The following PCDHGA2 variants were observed in gnomAD, a reference collection of about 807,000 sequenced individuals.
PCDHGA2 encodes protocadherin gamma-A2.
In PCDHGA2, 40 loss-of-function variants were observed where a neutral mutation model predicts 59.2. The ratio of observed to expected loss-of-function variants is 0.68; its 90% CI spans 0.52 to 0.88. PCDHGA2 has a LOEUF of 0.88. Ranked by LOEUF, PCDHGA2 falls within the 40% of genes least tolerant of loss-of-function variation. The pLI is 0.00. For synonymous variants in PCDHGA2, 560 were observed against 526.0 expected (o/e 1.06, Z -0.89); for missense variants, 1,226 against 1,204.0 (o/e 1.02, Z -0.27).
At position 141,409,019 on chromosome 5, in the gene PCDHGA2, G is replaced by T; in HGVS notation, c.2424+67624G>T. 2.5e-6 allele frequency: 4 copies of T among 1,613,996 alleles called. No homozygotes were observed. The South Asian group carries it at 3.3e-5, about 13-fold the overall frequency. On this transcript the variant is annotated intron_variant, in intron 1 of 3. Coordinates refer to ENST00000394576, the MANE Select transcript of PCDHGA2 (RefSeq NM_018915.4). The stretch of plus-strand genomic sequence containing the variant: ...GACAGCCACTGACCAGGATGAGGGG[G>T]TCAATGCTGAGATAAACTACTACTT...
intron 1 of PCDHGA2, among the ~76,000 whole-genome samples, chr5:141,469,345 G>A (rs2099197832): frequency 6.6e-6 from 1 of 152,128 alleles, no homozygotes; most frequent in Non-Finnish European, 1.5e-5. Context: ...GGGAGGCTGA[G>A]GTGGATGGAT....
Position 141,432,830 on chromosome 5 carries a change from C to G in PCDHGA2, c.2425-61977C>G, listed in dbSNP as rs780093171. On this transcript the variant is annotated intron_variant, in intron 1 of 3. Coordinates refer to ENST00000394576, the MANE Select transcript of PCDHGA2 (RefSeq NM_018915.4). The surrounding 1 kb of genome is among the most constrained non-coding windows in gnomAD (Gnocchi z 6.0). ...TAACTCTGAAACCTCAGACCTCACT[C>G]TGTACCTGGTGGTAGCGGTGGCCGC... 4 of 1,614,208 alleles carry G rather than the reference C, an allele frequency of 2.5e-6. No individual in the cohort carries two copies. The highest frequency in any genetic ancestry group is 2.2e-5 in the East Asian group (1 of 44,874).
At position 141,339,169 on chromosome 5, in the gene PCDHGA2, C is replaced by T. The variant is rs1171569269; in HGVS notation, c.198C>T (p.Ile66=). ...CACTGGCAGAGCAGGGAGTCCGCAT[C>T]GTCTCCAGAGGTAGGTCCCAGCTCT... ...PLALAEQGVR[I]VSRGRSQLFA... Residue 66 remains isoleucine, a synonymous_variant, in exon 1 of 4, where the codon ATC becomes ATT. Transcript: ENST00000394576. The T allele has an allele frequency of 6.2e-7, 1 of 1,614,102 alleles. No individual in the cohort carries two copies. Among genetic ancestry groups the T allele is most frequent in the East Asian group, 2.2e-5 (1 of 44,866 alleles).
intron 1 of PCDHGA2, chr5:141,361,481 C>T (rs1561523775): frequency 6.2e-7 from 1 of 1,614,042 alleles, no homozygotes; most frequent in Non-Finnish European, 8.5e-7. Context: ...AACGATAATG[C>T]CCCAGTTTTC....
At chr5:141,352,805 G>T in intron 1 of PCDHGA2, 1 of 888,810 alleles carries the variant, frequency 1.1e-6, no homozygotes, top group South Asian at 1.8e-5. Context: ...GCATAGCCAA[G>T]ATGGTAAAAC....
At chr5:141,409,681 G>A in intron 1 of PCDHGA2, 1 of 1,613,368 alleles carries the variant, frequency 6.2e-7, no homozygotes, top group South Asian at 1.1e-5. Flanking sequence ...CTATAGTGGC[G>A]AGTGACCTAG....
chr5:141,382,699 G>C lies in PCDHGA2; in HGVS notation c.2424+41304G>C, dbSNP rs6876944. The stretch of plus-strand genomic sequence containing the variant: ...CCAACCAGGGAAAAATGGTGCGAGA[G>C]ATCCCACAGAAACCACCGAGTTTTA... On this transcript the variant is annotated intron_variant, in intron 1 of 3. Transcript: ENST00000394576. 3,018 of 458,814 alleles carry C rather than the reference G, an allele frequency of 6.6e-3. 90 individuals carry two copies. Among genetic ancestry groups the C allele is most frequent in the African/African-American group, 0.053 (2,693 of 50,344 alleles). 28.4% of individuals were successfully genotyped at this position (458,814 alleles called of 1,614,324 possible).
At chr5:141,467,704 C>T (rs2099149502) in intron 1 of PCDHGA2, among the ~76,000 whole-genome samples, 2 of 152,174 alleles carry the variant, frequency 1.3e-5, no homozygotes. Flanking sequence ...CTCTGTTGCC[C>T]AGGCTGGAGT....
Position 141,406,431 on chromosome 5 carries a change from T to A in PCDHGA2, c.2424+65036T>A, listed in dbSNP as rs1316370664. 2.0e-5 allele frequency among the ~76,000 whole-genome samples: 3 copies of A among 152,352 alleles called. No individual in the cohort carries two copies. In the South Asian group the frequency reaches 6.2e-4, roughly 32 times the overall value. ...CAGCTGAAAGCCCAGATTTATTGCT[T>A]CTATTCTTCCATTTCTATGACAGGA... On this transcript the variant is annotated intron_variant, in intron 1 of 3. Coordinates refer to ENST00000394576, the MANE Select transcript of PCDHGA2 (RefSeq NM_018915.4).
At chr5:141,341,419 C>A (rs369518437) in intron 1 of PCDHGA2, 24 bp downstream of exon 1, 3 of 1,613,014 alleles carry the variant, frequency 1.9e-6, no homozygotes, top group South Asian at 1.1e-5. Flanking sequence ...TCACAACATA[C>A]GTACTAGCTA....
Position 141,339,221 on chromosome 5 carries a change from T to C in PCDHGA2, c.250T>C (p.Leu84=). ...LFALNPRSGS[L]VTANRIDREE... ...TGCTCTGAACCCGCGAAGCGGCAGC[T>C]TGGTCACTGCGAACAGGATAGACCG... The change falls in exon 1 of 4, where the codon TTG becomes CTG. Residue 84 remains leucine, a synonymous_variant. Transcript: ENST00000394576. 1 of 1,614,190 alleles carries C rather than the reference T, an allele frequency of 6.2e-7. No individual in the cohort carries two copies. Among genetic ancestry groups the C allele is most frequent in the Non-Finnish European group, 8.5e-7 (1 of 1,179,996 alleles).
chr5:141,364,320 G>C (rs777179865), intron 1 of PCDHGA2: 7 of 1,526,276 alleles, frequency 4.6e-6, no homozygotes, highest in Non-Finnish European at 6.1e-6. Flanking sequence ...AAATTGGGCA[G>C]AGAGAAGGCA....
intron 1 of PCDHGA2, chr5:141,428,630 C>T: frequency 5.4e-6 from 1 of 185,692 alleles, no homozygotes; most frequent in Non-Finnish European, 1.1e-5. Context: ...AGCTCTAACT[C>T]TGTTGCTCCT....
rs547284271 is a variant in PCDHGA2 at position 141,489,064 on chromosome 5, C to G, written c.2425-5743C>G. On this transcript the variant is annotated intron_variant, in intron 1 of 3. Coordinates refer to ENST00000394576, the MANE Select transcript of PCDHGA2 (RefSeq NM_018915.4). This position sits in a 1 kb window ranked among gnomAD's most constrained non-coding sequence, Gnocchi z 4.5. ...TCCACTCAAATTCAGCTCCCCTCCC[C>G]CCTGCCCACCCCCGCCACTCGGTGA... 1.9e-4 allele frequency: 74 copies of G among 387,742 alleles called. No homozygotes were observed. The highest frequency in any genetic ancestry group is 1.5e-3 in the African/African-American group (70 of 47,296). The allele number at this position is 387,742 out of a possible 1,614,324, so 24.0% of individuals were successfully genotyped here. A position where few individuals can be genotyped will look rare whatever the true frequency, so the allele number is the denominator to read the frequency against.
chr5:141,393,910 T>C, intron 1 of PCDHGA2: 1 of 1,613,998 alleles, frequency 6.2e-7, no homozygotes, highest in Admixed American at 1.7e-5. Flanking sequence ...GGGACAGTAA[T>C]TGCCTTCTTG....
In PCDHGA2 at chr5:141,415,740, GTTTTTTTTTT is replaced by G. The variant is rs57426385; in HGVS notation, c.2424+74368_2424+74377del. The G allele has an allele frequency of 4.3e-3, 2,655 of 623,934 alleles. 2 individuals carry two copies. The highest frequency in any genetic ancestry group is 4.3e-3 in the Non-Finnish European group (2,016 of 468,394). The allele number at this position is 623,934 out of a possible 1,614,324, so 38.6% of individuals were successfully genotyped here. ...TGAGTAGAATTTGATGTTTATTAAG[GTTTTTTTTTT>G]TTTTTTTTTTTTTTTTTTTTTTACT... On this transcript the variant is annotated intron_variant, in intron 1 of 3. Coordinates refer to ENST00000394576, the MANE Select transcript of PCDHGA2 (RefSeq NM_018915.4).
chr5:141,435,260 T>C (rs1591368331), intron 1 of PCDHGA2, among the ~76,000 whole-genome samples: 1 of 152,236 alleles, frequency 6.6e-6, no homozygotes, highest in African/African-American at 2.4e-5. Context: ...TAGGGATATG[T>C]CCATTTATAC....
At chr5:141,384,580 G>C in intron 1 of PCDHGA2, 1 of 1,614,196 alleles carries the variant, frequency 6.2e-7, no homozygotes, top group Non-Finnish European at 8.5e-7. Flanking sequence ...CAACCCGCCC[G>C]AGATCCTGTA....
intron 1 of PCDHGA2, chr5:141,428,086 G>C: frequency 1.9e-6 from 3 of 1,609,122 alleles, no homozygotes; most frequent in Non-Finnish European, 1.7e-6. Context: ...CACAACGCTT[G>C]GCTGTCCTAC....
Sources: allele counts gnomAD v4.1 joint callset (sites outside exome capture counted in the v4.1 genomes callset), GRCh38; gene constraint gnomAD v4.1.1; non-coding constraint Gnocchi (gnomAD v3.1); transcripts MANE v1.5; gene names NCBI Gene and HGNC (gene_info 2026-07-23, HGNC 2026-07-21).